The following ARMCX4 variants were observed in gnomAD, a reference collection of about 807,000 sequenced individuals.
The protein encoded by ARMCX4 is armadillo repeat containing X-linked 4.
In ARMCX4, 3 loss-of-function variants were observed where a neutral mutation model predicts 34.7. The observed-to-expected ratio is 0.09, with a 90% CI of 0.04 to 0.22. The LOEUF (loss-of-function observed/expected upper bound fraction) is 0.22, where lower values mean the gene tolerates loss of function less well. Among genes scored for constraint, ARMCX4 ranks in the 10% least tolerant of loss-of-function variants. The pLI is 1.00. For synonymous variants in ARMCX4, 513 were observed against 632.8 expected (o/e 0.81, Z 2.84); for missense variants, 1,448 against 1,720.8 (o/e 0.84, Z 2.81).
At chrX:101,459,920 T>A (rs1192973561) in intron 4 of ARMCX4, among the ~76,000 whole-genome samples, 1 of 112,067 alleles carries the variant, frequency 8.9e-6, no homozygotes, top group African/African-American at 3.2e-5. Flanking sequence ...TCAGCATGCA[T>A]CATCTGTAGG....
chrX:101,520,784 TTC>T (rs1351225555), intron 11 of ARMCX4, among the ~76,000 whole-genome samples: 6 of 111,289 alleles, frequency 5.4e-5, no homozygotes, highest in Non-Finnish European at 1.1e-4. Context: ...TTTTGAAGTG[TTC>T]TCTTTAAGTT....
intron 4 of ARMCX4, among the ~76,000 whole-genome samples, chrX:101,468,290 CT>C (rs1319016671): frequency 9.1e-6 from 1 of 109,483 alleles, no homozygotes; most frequent in Non-Finnish European, 1.9e-5. Flanking sequence ...TTTTTCTTTT[CT>C]TTTTTTTCTT....
At position 101,516,137 on chromosome X, in the gene ARMCX4, C is replaced by T. The variant is rs1438878042; in HGVS notation, c.*1780+5082C>T. 6.3e-5 allele frequency among the ~76,000 whole-genome samples: 7 copies of T among 110,714 alleles called. No homozygotes were observed. The East Asian group carries it at 1.1e-3, about 18-fold the overall frequency. ...GGCCAGATGATGGGACATAGCTTCT[C>T]GGAAAAAAATATATCCACATTCTTA... On this transcript the variant is annotated intron_variant and NMD_transcript_variant, in intron 11 of 12. Transcript: ENST00000354842.
chrX:101,492,250 G>C lies in ARMCX4; in HGVS notation c.3661G>C (p.Gly1221Arg), dbSNP rs782557601. Reference protein sequence around the residue: ...AWTGAENQASGGSWALAGNQA... With the variant: ...AWTGAENQASRGSWALAGNQA... Reference sequence around the variant, plus strand: ...GACTGGGGCTGAGAACCAGGCCAGTGGGGGGTCTTGGGCTCTCGCTGGGAA... The same window carrying C: ...GACTGGGGCTGAGAACCAGGCCAGTCGGGGGTCTTGGGCTCTCGCTGGGAA... Residue 1221 changes from glycine to arginine, a missense_variant, in exon 6 of 6, where the codon GGG (glycine) becomes CGG (arginine). By Grantham distance (125) the Gly-to-Arg change is moderately radical. Coordinates refer to ENST00000423738, the MANE Select transcript of ARMCX4 (RefSeq NM_001256155.3). 2,692 of 1,136,967 alleles carry C rather than the reference G, an allele frequency of 2.4e-3. 1 individual carries two copies. The highest frequency in any genetic ancestry group is 2.9e-3 in the Non-Finnish European group (2,499 of 864,315). 93.7% of individuals were successfully genotyped at this position (1,136,967 alleles called of 1,213,427 possible). A position where few individuals can be genotyped will look rare whatever the true frequency, so the allele number is the denominator to read the frequency against.
chrX:101,418,525 G>C (rs1260684767), intron 1 of ARMCX4, among the ~76,000 whole-genome samples: 1 of 112,738 alleles, frequency 8.9e-6, no homozygotes, highest in East Asian at 2.8e-4. Context: ...TAGGAGGAGG[G>C]GGAGGGCGGC....
intron 2 of ARMCX4, among the ~76,000 whole-genome samples, chrX:101,423,055 G>A (rs1483920026): frequency 9.2e-6 from 1 of 108,913 alleles, no homozygotes; most frequent in African/African-American, 3.3e-5. Context: ...GATTACAGGC[G>A]CCCACCACCA....
At chrX:101,437,446 G>T (rs782458755) in intron 2 of ARMCX4, among the ~76,000 whole-genome samples, 1 of 112,031 alleles carries the variant, frequency 8.9e-6, no homozygotes, top group East Asian at 2.8e-4. Context: ...GGTGTTTATA[G>T]TATTCTATGC....
At chrX:101,456,010 C>T (rs1040183006) in intron 4 of ARMCX4, among the ~76,000 whole-genome samples, 2 of 111,625 alleles carry the variant, frequency 1.8e-5, no homozygotes, top group Non-Finnish European at 3.8e-5. Flanking sequence ...TTTTTAATGG[C>T]TGTGTAGTAT....
chrX:101,457,711 G>A (rs1932368469), intron 4 of ARMCX4, among the ~76,000 whole-genome samples: 1 of 110,922 alleles, frequency 9.0e-6, no homozygotes, highest in African/African-American at 3.3e-5. Flanking sequence ...AACAAAGCGA[G>A]ACTGCATCTC....
downstream of ARMCX4, among the ~76,000 whole-genome samples, chrX:101,496,199 C>T (rs1383045460): frequency 9.1e-6 from 1 of 110,407 alleles, no homozygotes; most frequent in Non-Finnish European, 1.9e-5. Flanking sequence ...CCCCTAACTG[C>T]TAAACTGGGG....
intron 2 of ARMCX4, among the ~76,000 whole-genome samples, chrX:101,432,856 A>G (rs1555992575): frequency 3.1e-5 from 3 of 96,880 alleles, no homozygotes; most frequent in Non-Finnish European, 4.2e-5. Context: ...ATGTGTATAT[A>G]TACACGTATA....
chrX:101,492,084 C>G lies in ARMCX4; in HGVS notation c.3495C>G (p.Ser1165=). 1 of 1,152,674 alleles carries G rather than the reference C, an allele frequency of 8.7e-7. No individual in the cohort carries two copies. The highest frequency in any genetic ancestry group is 1.1e-6 in the Non-Finnish European group (1 of 871,112). 95.0% of individuals were successfully genotyped at this position (1,152,674 alleles called of 1,213,427 possible). The change falls in exon 6 of 6, where the codon TCC becomes TCG. Residue 1165 remains serine, a synonymous_variant. Coordinates refer to ENST00000423738, the MANE Select transcript of ARMCX4 (RefSeq NM_001256155.3). ...CTTGTGATGAGACCAGTGTTAAGTC[C>G]TGGGCTGGGGCCAGGGCTGAGAATG... The part of the protein sequence containing the change: ...AVACDETSVK[S]WAGARAENVV...
At chrX:101,481,428 T>G (rs1933445416), upstream of ARMCX4, among the ~76,000 whole-genome samples, 1 of 112,453 alleles carries the variant, frequency 8.9e-6, no homozygotes, top group Admixed American at 9.4e-5. Flanking sequence ...ATTTTTAAGG[T>G]AGGCTAGGCT....
At chrX:101,438,995 G>T (rs1188349720) in intron 2 of ARMCX4, among the ~76,000 whole-genome samples, 1 of 111,962 alleles carries the variant, frequency 8.9e-6, no homozygotes, top group Non-Finnish European at 1.9e-5. Context: ...GGTTATGTGT[G>T]AATTTAATCC....
chrX:101,487,536 G>A (rs1933795624), intron 3 of ARMCX4, 72 bp from the exon 4 acceptor site: 1 of 470,785 alleles, frequency 2.1e-6, no homozygotes, highest in Admixed American at 3.3e-5. Context: ...ATTGGGGTCA[G>A]GGATCAGGTT....
At chrX:101,477,804 G>A (rs372098010) in intron 4 of ARMCX4, among the ~76,000 whole-genome samples, 10 of 111,603 alleles carry the variant, frequency 9.0e-5, no homozygotes, top group African/African-American at 2.9e-4. Context: ...TGTCACTACC[G>A]TGTGAGGTTT....
chrX:101,439,782 T>C (rs1384694952), intron 2 of ARMCX4, among the ~76,000 whole-genome samples: 1 of 111,978 alleles, frequency 8.9e-6, no homozygotes, highest in Non-Finnish European at 1.9e-5. Flanking sequence ...CTACTGAGGC[T>C]TGTGCATTCG....
chrX:101,449,168 A>G (rs1273453200), downstream of ARMCX4, among the ~76,000 whole-genome samples: 1 of 111,498 alleles, frequency 9.0e-6, no homozygotes, highest in Non-Finnish European at 1.9e-5. Flanking sequence ...AGCCTCCCAA[A>G]GTGCTGGGAT....
At position 101,513,508 on chromosome X, in the gene ARMCX4, C is replaced by T. The variant is rs1313038977; in HGVS notation, c.*1780+2453C>T. ...GTAACTTAAATGCTATGATGTAAAGCTAATACATATTTTGTTATATGACAA... is the reference window on the plus strand; with the variant it reads ...GTAACTTAAATGCTATGATGTAAAGTTAATACATATTTTGTTATATGACAA... On this transcript the variant is annotated intron_variant and NMD_transcript_variant, in intron 11 of 12. Transcript: ENST00000354842. Among the ~76,000 whole-genome samples the T allele has an allele frequency of 2.7e-5, 3 of 111,737 alleles. 1 individual carries two copies. In the South Asian group the frequency reaches 1.1e-3, roughly 42 times the overall value.
Sources: gnomAD v4.1 joint callset for allele counts (sites outside exome capture counted in the v4.1 genomes callset) on GRCh38, gnomAD v4.1.1 for gene constraint, MANE v1.5 for transcripts, NCBI Gene and HGNC (gene_info 2026-07-23, HGNC 2026-07-21) for gene names.